Variants in ABCC6 observed in about 807,000 individuals in gnomAD.
The protein encoded by ABCC6 is ATP binding cassette subfamily C member 6, also known as ATP-binding cassette sub-family C member 6.
In ABCC6, 126 loss-of-function variants were observed where a neutral mutation model predicts 169.5. That is an observed-to-expected ratio of 0.74 (90% CI 0.64 to 0.86). The LOEUF (loss-of-function observed/expected upper bound fraction) is 0.86. Ranked by LOEUF, ABCC6 falls within the 40% of genes least tolerant of loss-of-function variation. The pLI is 0.00. For synonymous variants in ABCC6, 752 were observed against 814.7 expected (o/e 0.92, Z 1.31); for missense variants, 1,733 against 1,927.2 (o/e 0.90, Z 1.89).
Position 16,163,200 on chromosome 16 carries a change from G to A in ABCC6, c.3307-8C>T. ...GCTAACCACATACAGGCTCTGAGAA[G>A]GATGGATGGGAGAGGGAAGAGGAGA... On this transcript the variant is annotated splice_region_variant and splice_polypyrimidine_tract_variant and intron_variant, in intron 23 of 30. Transcript: ENST00000205557. 1 of 1,612,552 alleles carries A rather than the reference G, an allele frequency of 6.2e-7. No homozygotes were observed. The highest frequency in any genetic ancestry group is 8.5e-7 in the Non-Finnish European group (1 of 1,179,800).
At chr16:16,203,759 T>G in intron 7 of ABCC6, 146 bp from the exon 8 acceptor site, 4 of 930,954 alleles carry the variant, frequency 4.3e-6, no homozygotes, top group Non-Finnish European at 6.8e-6. Context: ...TTCCTCCTTA[T>G]CACCCTGAGT....
intron 22 of ABCC6, among the ~76,000 whole-genome samples, chr16:16,166,503 G>A (rs1456029898): frequency 1.3e-5 from 2 of 152,056 alleles, no homozygotes; most frequent in African/African-American, 4.8e-5. Context: ...ATGGGAGGGT[G>A]TATCTACAAG....
intron 4 of ABCC6, 104 bp from the exon 5 acceptor site, chr16:16,214,553 G>A: frequency 6.6e-7 from 1 of 1,526,364 alleles, no homozygotes; most frequent in Non-Finnish European, 8.8e-7. Flanking sequence ...GGGGACCAGG[G>A]CAAGAGTATT....
chr16:16,192,776 C>T lies in ABCC6; in HGVS notation c.1431+54G>A, dbSNP rs2047905031. The T allele has an allele frequency of 2.6e-6, 4 of 1,523,286 alleles. 1 individual carries two copies. The African/African-American group carries it at 5.5e-5, about 21-fold the overall frequency. The allele number at this position is 1,523,286 out of a possible 1,614,324, so 94.4% of individuals were successfully genotyped here. ...CCCTCCGCATCTCCCACACCAGGAC[C>T]TGTGGCTTCCTCCCTACTTCCTGCC... On this transcript the variant is annotated intron_variant, in intron 11 of 30. Transcript: ENST00000205557.
At chr16:16,195,209 G>A (rs771778168) in intron 10 of ABCC6, among the ~76,000 whole-genome samples, 8 of 151,962 alleles carry the variant, frequency 5.3e-5, no homozygotes, top group African/African-American at 1.7e-4. Flanking sequence ...AAGACCTCAC[G>A]GTGATGTTAG....
At position 16,182,806 on chromosome 16, in the gene ABCC6, C is replaced by T. The variant is rs773604010; in HGVS notation, c.2068G>A (p.Glu690Lys). 43 of 1,613,766 alleles carry T rather than the reference C, an allele frequency of 2.7e-5. No individual in the cohort carries two copies. The highest frequency in any genetic ancestry group is 4.0e-5 in the African/African-American group (3 of 74,856). ...LSKVEGFVSI[E>K]GAVAYVPQEA... The stretch of plus-strand genomic sequence containing the variant: ...AGACAGGCTGGGGGTGGCCTCACCT[C>T]GATGCTCACGAACCCCTCCACCTTT... The change falls in exon 16 of 31, where the codon GAG becomes AAG. Residue 690 changes from glutamate (E) to lysine (K), a missense_variant and splice_region_variant. By Grantham distance (56) the Glu-to-Lys change is moderately conservative. Coordinates refer to ENST00000205557, the MANE Select transcript of ABCC6 (RefSeq NM_001171.6).
At chr16:16,161,085 A>AAAGAG (rs1360106560) in intron 25 of ABCC6, among the ~76,000 whole-genome samples, 1 of 152,220 alleles carries the variant, frequency 6.6e-6, no homozygotes, top group African/African-American at 2.4e-5. Flanking sequence ...AGCCTGAGTA[A>AAAGAG]AAGAGAGAGA....
chr16:16,165,904 C>T lies in ABCC6; in HGVS notation c.3025G>A (p.Val1009Met), dbSNP rs747365754. The stretch of plus-strand genomic sequence containing the variant: ...GATGCCCGGGCCCCACCTAGGAGCA[C>T]CGCAGCCATGGAGGCAAACAGCCCA... ...AIGLFASMAAVLLGGARASRL... is the reference protein window; with the variant it reads ...AIGLFASMAAMLLGGARASRL... The change falls in exon 23 of 31, where the codon GTG (valine) becomes ATG (methionine). Residue 1009 changes from valine to methionine, a missense_variant. Coordinates refer to ENST00000205557, the MANE Select transcript of ABCC6 (RefSeq NM_001171.6). 3 of 1,613,076 alleles carry T rather than the reference C, an allele frequency of 1.9e-6. No homozygotes were observed. The highest frequency in any genetic ancestry group is 1.7e-6 in the Non-Finnish European group (2 of 1,180,004).
intron 29 of ABCC6, among the ~76,000 whole-genome samples, chr16:16,151,454 A>T (rs1009824233): frequency 1.3e-5 from 2 of 152,224 alleles, no homozygotes; most frequent in African/African-American, 4.8e-5. Flanking sequence ...CACAGCTTTC[A>T]CTTCAGTCAT....
chr16:16,173,634 T>A (rs974554888), intron 20 of ABCC6, among the ~76,000 whole-genome samples: 11 of 152,124 alleles, frequency 7.2e-5, no homozygotes, highest in African/African-American at 2.7e-4. Flanking sequence ...CCCATTCTTC[T>A]GATGCCAATT....
Position 16,182,890 on chromosome 16 carries a change from C to A in ABCC6, c.1984G>T (p.Val662Phe), listed in dbSNP as rs2047524283. The change falls in exon 16 of 31, where the codon GTC becomes TTC. Residue 662 changes from valine to phenylalanine, a missense_variant. Around this residue, in one of 5 missense-constraint regions of ABCC6, gnomAD observed 1,601 missense variants for 1,635.5 expected, o/e 0.98. Coordinates refer to ENST00000205557, the MANE Select transcript of ABCC6 (RefSeq NM_001171.6). ...GACTTCCCTGCCCCCACTGGACCGA[C>A]AACAGCCAGCAGACAGCCCTGGGGC... ...TVPQGCLLAV[V>F]GPVGAGKSSL... 1.9e-6 allele frequency: 3 copies of A among 1,613,968 alleles called. No homozygotes were observed. The highest frequency in any genetic ancestry group is 2.5e-6 in the Non-Finnish European group (3 of 1,179,996).
At position 16,149,982 on chromosome 16, in the gene ABCC6, G is replaced by C; in HGVS notation, c.*151C>G. On this transcript the variant is annotated 3_prime_UTR_variant, in exon 31 of 31. Transcript: ENST00000205557. ...CCGGCTCTGATGCTCTGTGATAATT[G>C]GCCACTTTCTCTGCCATTTTCCTCC... The C allele has an allele frequency of 8.3e-7, 1 of 1,201,906 alleles. No individual in the cohort carries two copies. The highest frequency in any genetic ancestry group is 1.2e-6 in the Non-Finnish European group (1 of 835,910). 74.5% of individuals were successfully genotyped at this position (1,201,906 alleles called of 1,614,324 possible).
intron 5 of ABCC6, among the ~76,000 whole-genome samples, chr16:16,213,082 A>ATTTT (rs55813185): frequency 7.2e-6 from 1 of 138,824 alleles, no homozygotes; most frequent in Non-Finnish European, 1.6e-5. Flanking sequence ...CCTTCGAGCA[A>ATTTT]TTTTTTTTTT....
At chr16:16,204,608 G>C (rs1295596811) in intron 7 of ABCC6, among the ~76,000 whole-genome samples, 1 of 152,120 alleles carries the variant, frequency 6.6e-6, no homozygotes, top group Non-Finnish European at 1.5e-5. Context: ...GGGAGGGAGA[G>C]GAGGAGATGG....
chr16:16,170,946 GA>G (rs1241972006), intron 21 of ABCC6, among the ~76,000 whole-genome samples: 16 of 95,692 alleles, frequency 1.7e-4, no homozygotes, highest in African/African-American at 6.6e-4. Flanking sequence ...AAAAAAGAAA[GA>G]AAGAAAGAAA....
intron 9 of ABCC6, among the ~76,000 whole-genome samples, chr16:16,201,241 A>G (rs2152281609): frequency 6.6e-6 from 1 of 152,346 alleles, no homozygotes; most frequent in Non-Finnish European, 1.5e-5. Flanking sequence ...TGCTGGAATT[A>G]CAGGCGTGCA....
intron 24 of ABCC6, 107 bp from the exon 25 acceptor site, chr16:16,161,671 C>T: frequency 2.0e-6 from 3 of 1,480,876 alleles, no homozygotes; most frequent in Non-Finnish European, 1.9e-6. Context: ...ACACAGGGGT[C>T]CCAGCAATGG....
Position 16,173,344 on chromosome 16 carries a change from A to C in ABCC6, c.2727T>G (p.Pro909=). The part of the protein sequence containing the change: ...RTTSEAQTEV[P]LDDPDRAGWP... The stretch of plus-strand genomic sequence containing the variant: ...ATCCTGCCCTGTCAGGGTCATCCAG[A>C]GGAACCTCTGTCTGGGCTTCTGAAG... The change falls in exon 21 of 31, where the codon CCT becomes CCG. Residue 909 remains proline, a synonymous_variant. Transcript: ENST00000205557. 1.2e-6 allele frequency: 2 copies of C among 1,614,056 alleles called. No homozygotes were observed. Among genetic ancestry groups the C allele is most frequent in the South Asian group, 2.2e-5 (2 of 91,072 alleles).
chr16:16,170,935 A>AG (rs2047041631), intron 21 of ABCC6, among the ~76,000 whole-genome samples: 1 of 134,228 alleles, frequency 7.5e-6, no homozygotes, highest in African/African-American at 2.7e-5. Context: ...AAAAAAAAAA[A>AG]AAAAAAGAAA....
Sources: allele counts gnomAD v4.1 joint callset (sites outside exome capture counted in the v4.1 genomes callset), GRCh38; gene constraint gnomAD v4.1.1; regional missense constraint gnomAD v4.1.1; transcripts MANE v1.5; gene names NCBI Gene and HGNC (gene_info 2026-07-23, HGNC 2026-07-21).